Variants in GABRR3 observed in about 807,000 individuals in gnomAD.
GABRR3 encodes gamma-aminobutyric acid type A receptor subunit rho3.
A neutral mutation model predicts 43.2 loss-of-function variants in GABRR3; 29 were observed. The ratio of observed to expected loss-of-function variants is 0.67; its 90% CI spans 0.50 to 0.92. The LOEUF (loss-of-function observed/expected upper bound fraction) is 0.92, where lower values mean the gene tolerates loss of function less well. Ranked by LOEUF, GABRR3 falls within the 40% of genes least tolerant of loss-of-function variation. The probability of loss-of-function intolerance (pLI) is 0.00; values close to 1 mark genes in which losing one functional copy is unlikely to be tolerated. For synonymous variants in GABRR3, 206 were observed against 195.9 expected (o/e 1.05, Z -0.43); for missense variants, 576 against 572.3 (o/e 1.01, Z -0.07).
intron 2 of GABRR3, among the ~76,000 whole-genome samples, chr3:98,034,619 T>C (rs1447035354): frequency 6.6e-6 from 1 of 152,158 alleles, no homozygotes; most frequent in African/African-American, 2.4e-5. Context: ...CATGAACCCT[T>C]TAACTGTTTT....
chr3:98,025,694 G>GA lies in GABRR3; in HGVS notation c.126-16_126-15insT. ...TTTCTTGTTTGCTGTTCCCCCAAAG[G>GA]GAAAAAAAAAACTTCTGAGATACAT... On this transcript the variant is annotated splice_polypyrimidine_tract_variant and intron_variant, in intron 2 of 9. Transcript: ENST00000621172. 6.4e-7 allele frequency: 1 copy of GA among 1,560,854 alleles called. No homozygotes were observed. Among genetic ancestry groups the GA allele is most frequent in the Non-Finnish European group, 8.7e-7 (1 of 1,148,202 alleles).
chr3:98,001,091 T>G (rs1376664462), intron 8 of GABRR3: 1 of 153,034 alleles, frequency 6.5e-6, no homozygotes, highest in Non-Finnish European at 1.5e-5. Context: ...TTGATTCTGA[T>G]TTTGGTCTTT....
intron 3 of GABRR3, among the ~76,000 whole-genome samples, chr3:98,019,368 T>C (rs1165960048): frequency 6.6e-6 from 1 of 152,134 alleles, no homozygotes; most frequent in Non-Finnish European, 1.5e-5. Context: ...AGGAATTAAC[T>C]GATGTCACCT....
At chr3:98,026,603 T>TCATCATCATCATCATTAGCAG (rs1553720244) in intron 2 of GABRR3, among the ~76,000 whole-genome samples, 4 of 57,598 alleles carry the variant, frequency 6.9e-5, no homozygotes, top group African/African-American at 2.6e-4. Flanking sequence ...AAGGTGGCTG[T>TCATCATCATCATCATTAGCAG]CATCATCATC....
At chr3:98,032,467 C>T (rs914448153) in intron 2 of GABRR3, among the ~76,000 whole-genome samples, 3 of 152,102 alleles carry the variant, frequency 2.0e-5, no homozygotes, top group Non-Finnish European at 4.4e-5. Context: ...AAATATCACT[C>T]AGTGTAATTG....
chr3:98,016,757 A>G (rs1014400909), intron 4 of GABRR3, among the ~76,000 whole-genome samples: 1 of 152,244 alleles, frequency 6.6e-6, no homozygotes. Context: ...TTGTATGTAT[A>G]AGCTAGCAAT....
intron 2 of GABRR3, among the ~76,000 whole-genome samples, chr3:98,029,368 G>A (rs1335721704): frequency 1.3e-5 from 2 of 152,174 alleles, no homozygotes; most frequent in Non-Finnish European, 2.9e-5. Flanking sequence ...GAAAGCAGAG[G>A]TCTGGGAGGA....
chr3:98,020,457 CAAA>C (rs745684367), intron 3 of GABRR3, among the ~76,000 whole-genome samples: 3 of 100,590 alleles, frequency 3.0e-5, no homozygotes, highest in South Asian at 3.5e-4. Context: ...GTCCAATCTT[CAAA>C]AAAAAAAAAA....
intron 8 of GABRR3, chr3:98,001,152 C>G (rs1209256577): frequency 6.5e-6 from 1 of 153,196 alleles, no homozygotes; most frequent in Non-Finnish European, 1.5e-5. Context: ...ATTCAAGCAT[C>G]CCTTCCACAT....
In GABRR3 at chr3:98,034,810, C is replaced by T. The variant is rs903899949; in HGVS notation, c.125+53G>A. 6 of 1,603,272 alleles carry T rather than the reference C, an allele frequency of 3.7e-6. No individual in the cohort carries two copies. The African/African-American group carries it at 6.7e-5, about 18-fold the overall frequency. On this transcript the variant is annotated intron_variant, in intron 2 of 9. Transcript: ENST00000621172. ...CAGGTTTCCTGTAGGTCTGAGACAA[C>T]TGTTGAGAGAAACTGGGCAGTAATT...
chr3:97,997,010 C>T (rs1035901619), intron 8 of GABRR3, among the ~76,000 whole-genome samples: 3 of 152,142 alleles, frequency 2.0e-5, no homozygotes, highest in African/African-American at 4.8e-5. Context: ...CTGTGCTACT[C>T]GCTGAAGGAA....
At chr3:98,005,482 C>T (rs1021114530) in intron 7 of GABRR3, among the ~76,000 whole-genome samples, 3 of 151,930 alleles carry the variant, frequency 2.0e-5, no homozygotes, top group Admixed American at 6.6e-5. Context: ...AATGTAACTA[C>T]CTTTGAACGT....
intron 2 of GABRR3, among the ~76,000 whole-genome samples, chr3:98,029,951 C>T (rs944581990): frequency 1.3e-5 from 2 of 151,856 alleles, no homozygotes; most frequent in Admixed American, 1.3e-4. Flanking sequence ...CCCATCTCTA[C>T]TAAAAATACA....
At chr3:98,019,169 TAAAAG>T (rs1706907499) in intron 3 of GABRR3, among the ~76,000 whole-genome samples, 1 of 151,384 alleles carries the variant, frequency 6.6e-6, no homozygotes, top group East Asian at 1.9e-4. Flanking sequence ...GAAAAGAAGA[TAAAAG>T]AAACAAAGAA....
intron 4 of GABRR3, among the ~76,000 whole-genome samples, chr3:98,014,357 C>T (rs1436893368): frequency 1.3e-5 from 2 of 150,320 alleles, no homozygotes; most frequent in South Asian, 2.1e-4. Context: ...AAGTATCATT[C>T]AGAAATGACT....
intron 9 of GABRR3, 137 bp from the exon 10 acceptor site, chr3:97,987,119 T>C (rs1293978091): frequency 1.8e-6 from 1 of 570,388 alleles, no homozygotes; most frequent in Non-Finnish European, 2.8e-6. Context: ...TTTCAACTTA[T>C]TTTTTTCTTT....
chr3:97,988,474 C>A (rs561317412), intron 9 of GABRR3, among the ~76,000 whole-genome samples: 1 of 152,002 alleles, frequency 6.6e-6, no homozygotes, highest in South Asian at 2.1e-4. Flanking sequence ...CTGAGTGTCT[C>A]GGGGAGAGAG....
chr3:98,014,080 A>G (rs1367840655), intron 4 of GABRR3, among the ~76,000 whole-genome samples: 1 of 148,290 alleles, frequency 6.7e-6, no homozygotes, highest in Non-Finnish European at 1.5e-5. Context: ...ACAAACCAAC[A>G]AAAAAACCAA....
intron 3 of GABRR3, among the ~76,000 whole-genome samples, chr3:98,022,456 AG>A (rs1706959739): frequency 6.6e-6 from 1 of 152,236 alleles, no homozygotes; most frequent in Non-Finnish European, 1.5e-5. Flanking sequence ...AGAGGGAAAA[AG>A]TATGTGCGTG....
Sources: allele counts gnomAD v4.1 joint callset (sites outside exome capture counted in the v4.1 genomes callset), GRCh38; gene constraint gnomAD v4.1.1; transcripts MANE v1.5; gene names NCBI Gene and HGNC (gene_info 2026-07-23, HGNC 2026-07-21).